AGPAT4: variants seen among roughly 807,000 people sequenced by gnomAD.
AGPAT4 encodes 1-acylglycerol-3-phosphate O-acyltransferase 4.
AGPAT4 carries 15 observed loss-of-function variants against 48.0 expected under a neutral mutation model. The observed-to-expected ratio is 0.31, with a 90% CI of 0.21 to 0.48. AGPAT4 has a LOEUF of 0.48. Among genes scored for constraint, AGPAT4 ranks in the 20% least tolerant of loss-of-function variants. The probability of loss-of-function intolerance (pLI) is 0.99; values close to 1 mark genes in which losing one functional copy is unlikely to be tolerated. For missense variants in AGPAT4, 314 were observed against 482.5 expected (o/e 0.65, Z 3.27); for synonymous variants, 178 against 198.7 (o/e 0.90, Z 0.88).
rs1040960596 is a variant in AGPAT4 at position 161,206,256 on chromosome 6, C to T, written c.178+25780G>A. Among the ~76,000 whole-genome samples, 13 of 152,156 alleles carry T rather than the reference C, an allele frequency of 8.5e-5. No individual in the cohort carries two copies. The highest frequency in any genetic ancestry group is 1.9e-4 in the African/African-American group (8 of 41,436). On this transcript the variant is annotated intron_variant, in intron 2 of 8. Transcript: ENST00000320285. The surrounding 1 kb of genome is among the most constrained non-coding windows in gnomAD (Gnocchi z 4.8). ...GGGTGGGGGGCTGTAATTTCACATC[C>T]TCTACCTGCTGGGTGACCGATGTCA...
At chr6:161,237,930 C>A (rs1782341549) in intron 1 of AGPAT4, among the ~76,000 whole-genome samples, 1 of 151,984 alleles carries the variant, frequency 6.6e-6, no homozygotes, top group African/African-American at 2.4e-5. Context: ...TGAGGAGGGA[C>A]CACAGGGTTG....
chr6:161,137,679 C>A lies in AGPAT4; in HGVS notation c.1043-1045G>T, dbSNP rs2114948143. On this transcript the variant is annotated intron_variant, in intron 8 of 8. Coordinates refer to ENST00000320285, the MANE Select transcript of AGPAT4 (RefSeq NM_020133.3). This position sits in a 1 kb window ranked among gnomAD's most constrained non-coding sequence, Gnocchi z 6.1. ...ACACAAAGTCCTTCAGGGAAGAATG[C>A]AGTCAGGCGCAGGCTCAGAGTAATG... Among the ~76,000 whole-genome samples, 1 of 152,304 alleles carries A rather than the reference C, an allele frequency of 6.6e-6. No individual in the cohort carries two copies. Among genetic ancestry groups the A allele is most frequent in the African/African-American group, 2.4e-5 (1 of 41,568 alleles).
rs193239258 is a variant in AGPAT4, at chr6:161,236,631, C to T, written c.-89-4329G>A. Among the ~76,000 whole-genome samples the T allele has an allele frequency of 1.7e-4, 26 of 152,088 alleles. No individual in the cohort carries two copies. Among genetic ancestry groups the T allele is most frequent in the African/African-American group, 6.3e-4 (26 of 41,452 alleles). ...GTAAAAGGAAAGGGGAGGCCGGGAGCAGTGGCTCACACCTGTAATCCTAGC... is the reference window on the plus strand; with the variant it reads ...GTAAAAGGAAAGGGGAGGCCGGGAGTAGTGGCTCACACCTGTAATCCTAGC... On this transcript the variant is annotated intron_variant, in intron 1 of 8. Transcript: ENST00000320285. The surrounding 1 kb of genome is among the most constrained non-coding windows in gnomAD (Gnocchi z 5.0).
In AGPAT4 at chr6:161,225,577, A is replaced by T. The variant is rs1355843191; in HGVS notation, c.178+6459T>A. 6.6e-6 allele frequency among the ~76,000 whole-genome samples: 1 copy of T among 152,230 alleles called. No homozygotes were observed. Among genetic ancestry groups the T allele is most frequent in the African/African-American group, 2.4e-5 (1 of 41,460 alleles). On this transcript the variant is annotated intron_variant, in intron 2 of 8. Coordinates refer to ENST00000320285, the MANE Select transcript of AGPAT4 (RefSeq NM_020133.3). The surrounding 1 kb of genome is among the most constrained non-coding windows in gnomAD (Gnocchi z 5.0). ...ACCCCTTAGAACTAGAAAAGAAAAG[A>T]AGGAAGGTTGCTTTTCGTCAGTTTC... is the stretch of plus-strand genomic sequence containing the variant.
At chr6:161,209,031 GA>G (rs536444222) in intron 2 of AGPAT4, among the ~76,000 whole-genome samples, 2 of 151,954 alleles carry the variant, frequency 1.3e-5, no homozygotes, top group East Asian at 1.9e-4. Flanking sequence ...GACTTTCAAG[GA>G]AAAAAAAGTG....
Position 161,249,863 on chromosome 6 carries a change from T to C in AGPAT4, c.-89-17561A>G, listed in dbSNP as rs1184098156. The stretch of plus-strand genomic sequence containing the variant: ...TATCATAAAGACACATGCACGCTTA[T>C]GTTCATTGCAGTACTACTGCAGCTA... On this transcript the variant is annotated intron_variant, in intron 1 of 8. Coordinates refer to ENST00000320285, the MANE Select transcript of AGPAT4 (RefSeq NM_020133.3). The surrounding 1 kb of genome is among the most constrained non-coding windows in gnomAD (Gnocchi z 6.2). Among the ~76,000 whole-genome samples the C allele has an allele frequency of 6.6e-6, 1 of 152,240 alleles. No individual in the cohort carries two copies. Among genetic ancestry groups the C allele is most frequent in the Non-Finnish European group, 1.5e-5 (1 of 68,040 alleles).
At chr6:161,145,628 T>A (rs149909712) in intron 7 of AGPAT4, among the ~76,000 whole-genome samples, 12 of 151,722 alleles carry the variant, frequency 7.9e-5, no homozygotes, top group Non-Finnish European at 1.6e-4. Flanking sequence ...TCCTAACACA[T>A]TCCCAAGTGT....
rs978022153 is a variant in AGPAT4, at chr6:161,139,455, T to A, written c.1009A>T (p.Thr337Ser). ...AAGACGAGGATGAAGCTGGCCAGCG[T>A]CAGGGAAGACCCGCTCCTGATCATG... Reference protein sequence around the residue: ...VSMIRSGSSLTLASFILVFFV... With the variant: ...VSMIRSGSSLSLASFILVFFV... Residue 337 changes from threonine (T) to serine (S), a missense_variant, in exon 8 of 9, where the codon ACG (threonine) becomes TCG (serine). Physicochemically the swap from Thr to Ser is moderately conservative, Grantham distance 58. Transcript: ENST00000320285. This position sits in a 1 kb window ranked among gnomAD's most constrained non-coding sequence, Gnocchi z 9.1. 5 of 1,613,830 alleles carry A rather than the reference T, an allele frequency of 3.1e-6. No individual in the cohort carries two copies. The African/African-American group carries it at 6.7e-5, about 22-fold the overall frequency.
intron 1 of AGPAT4, among the ~76,000 whole-genome samples, chr6:161,248,594 A>AAAAAAAAC (rs59741511): frequency 7.2e-6 from 1 of 138,616 alleles, no homozygotes. Flanking sequence ...AAAAAAAAAA[A>AAAAAAAAC]CTAGGAATAC....
rs1233581385 is a variant in AGPAT4 at position 161,262,739 on chromosome 6, G to A, written c.-90+11199C>T. ...CCTCATAGTGAGGGGCACCCTTTGG[G>A]TAGCTTCTTGGGACTTGAACTGGTA... On this transcript the variant is annotated intron_variant, in intron 1 of 8. Transcript: ENST00000320285. This position sits in a 1 kb window ranked among gnomAD's most constrained non-coding sequence, Gnocchi z 4.9. Among the ~76,000 whole-genome samples the A allele has an allele frequency of 6.6e-6, 1 of 152,152 alleles. No homozygotes were observed. The highest frequency in any genetic ancestry group is 2.4e-5 in the African/African-American group (1 of 41,432).
rs917406794 is a variant in AGPAT4 at position 161,244,723 on chromosome 6, C to T, written c.-89-12421G>A. 6.6e-6 allele frequency among the ~76,000 whole-genome samples: 1 copy of T among 152,198 alleles called. No individual in the cohort carries two copies. The highest frequency in any genetic ancestry group is 1.9e-4 in the East Asian group (1 of 5,192). ...AGCCGACAAGGGTGCACACATCTCT[C>T]CCTTTGGTCTGGCCTAGCCCACCTA... On this transcript the variant is annotated intron_variant, in intron 1 of 8. Transcript: ENST00000320285. The surrounding 1 kb of genome is among the most constrained non-coding windows in gnomAD (Gnocchi z 4.7).
At position 161,134,779 on chromosome 6, in the gene AGPAT4, T is replaced by G. The variant is rs1237477350; in HGVS notation, c.*1761A>C. 6.6e-6 allele frequency: 1 copy of G among 152,376 alleles called. No individual in the cohort carries two copies. Among genetic ancestry groups the G allele is most frequent in the Non-Finnish European group, 1.5e-5 (1 of 68,172 alleles). The allele number at this position is 152,376 out of a possible 1,614,324, so 9.4% of individuals were successfully genotyped here. The stretch of plus-strand genomic sequence containing the variant: ...ACCTCCACTTCTCCAAGGACCCCTC[T>G]TGCCTAAGGTCACGTCCTGGGCTTT... On this transcript the variant is annotated 3_prime_UTR_variant, in exon 9 of 9. Transcript: ENST00000320285.
At chr6:161,256,895 G>A (rs1433111486) in intron 1 of AGPAT4, among the ~76,000 whole-genome samples, 1 of 152,256 alleles carries the variant, frequency 6.6e-6, no homozygotes, top group Non-Finnish European at 1.5e-5. Context: ...CTTTTCTCCA[G>A]TTTTAGGTCT....
rs186085553 is a variant in AGPAT4 at position 161,140,556 on chromosome 6, G to T, written c.844-936C>A. 6.6e-6 allele frequency among the ~76,000 whole-genome samples: 1 copy of T among 150,834 alleles called. No individual in the cohort carries two copies. Among genetic ancestry groups the T allele is most frequent in the Non-Finnish European group, 1.5e-5 (1 of 68,010 alleles). The stretch of plus-strand genomic sequence containing the variant: ...GGGTGTCTCATGTCACGGAGCTCCC[G>T]CTCAGGGACTGGGGCTCAGCCGCAA... On this transcript the variant is annotated intron_variant, in intron 7 of 8. Transcript: ENST00000320285. The surrounding 1 kb of genome is among the most constrained non-coding windows in gnomAD (Gnocchi z 6.5).
rs1780203960 is a variant in AGPAT4, at chr6:161,169,425, T to G, written c.179-3008A>C. ...GGCTGCTCACTAGACAACTAAACTCTGAACCTCACTGGATAAAAGAGCTTG... is the reference window on the plus strand; with the variant it reads ...GGCTGCTCACTAGACAACTAAACTCGGAACCTCACTGGATAAAAGAGCTTG... On this transcript the variant is annotated intron_variant, in intron 2 of 8. Transcript: ENST00000320285. The surrounding 1 kb of genome is among the most constrained non-coding windows in gnomAD (Gnocchi z 5.0). Among the ~76,000 whole-genome samples, 1 of 152,170 alleles carries G rather than the reference T, an allele frequency of 6.6e-6. No individual in the cohort carries two copies. Among genetic ancestry groups the G allele is most frequent in the Non-Finnish European group, 1.5e-5 (1 of 68,022 alleles).
chr6:161,237,755 T>C lies in AGPAT4; in HGVS notation c.-89-5453A>G, dbSNP rs188648548. On this transcript the variant is annotated intron_variant, in intron 1 of 8. Coordinates refer to ENST00000320285, the MANE Select transcript of AGPAT4 (RefSeq NM_020133.3). Reference sequence around the variant, plus strand: ...TTTTCTTCTCTGTGTTTTATCATCCTTTTTTACGACGAGAATGAAATCCAC... The same window carrying C: ...TTTTCTTCTCTGTGTTTTATCATCCCTTTTTACGACGAGAATGAAATCCAC... Among the ~76,000 whole-genome samples the C allele has an allele frequency of 4.7e-3, 722 of 152,270 alleles. 6 individuals carry two copies. Among genetic ancestry groups the C allele is most frequent in the African/African-American group, 0.016 (684 of 41,560 alleles).
In AGPAT4 at chr6:161,235,682, G is replaced by C. The variant is rs1224115339; in HGVS notation, c.-89-3380C>G. Among the ~76,000 whole-genome samples, 1 of 152,184 alleles carries C rather than the reference G, an allele frequency of 6.6e-6. No homozygotes were observed. The highest frequency in any genetic ancestry group is 1.5e-5 in the Non-Finnish European group (1 of 68,048). On this transcript the variant is annotated intron_variant, in intron 1 of 8. Coordinates refer to ENST00000320285, the MANE Select transcript of AGPAT4 (RefSeq NM_020133.3). This position sits in a 1 kb window ranked among gnomAD's most constrained non-coding sequence, Gnocchi z 6.2. Reference sequence around the variant, plus strand: ...CTTTTACTCATGGCGGAAGGCAAAGGGGGAGCGGGCATCTTACAAGGCAGG... The same window carrying C: ...CTTTTACTCATGGCGGAAGGCAAAGCGGGAGCGGGCATCTTACAAGGCAGG...
chr6:161,271,265 CCTT>C (rs1350647075), intron 1 of AGPAT4, among the ~76,000 whole-genome samples: 14 of 152,338 alleles, frequency 9.2e-5, no homozygotes, highest in Admixed American at 9.1e-4. Flanking sequence ...GACACCCTCT[CCTT>C]CTTCCCTTGA....
In AGPAT4 at chr6:161,228,471, G is replaced by A. The variant is rs115653618; in HGVS notation, c.178+3565C>T. On this transcript the variant is annotated intron_variant, in intron 2 of 8. Transcript: ENST00000320285. ...GCAACACTGAATTTGGACGCAGGGCGCCAGGGCTGGGGGTGTGGGGTGGTG... is the reference window on the plus strand; with the variant it reads ...GCAACACTGAATTTGGACGCAGGGCACCAGGGCTGGGGGTGTGGGGTGGTG... 6.1e-3 allele frequency among the ~76,000 whole-genome samples: 923 copies of A among 152,122 alleles called. 6 individuals carry two copies. Among genetic ancestry groups the A allele is most frequent in the African/African-American group, 0.021 (876 of 41,474 alleles).
Sources: allele counts gnomAD v4.1 joint callset (sites outside exome capture counted in the v4.1 genomes callset), GRCh38; gene constraint gnomAD v4.1.1; non-coding constraint Gnocchi (gnomAD v3.1); transcripts MANE v1.5; gene names NCBI Gene and HGNC (gene_info 2026-07-23, HGNC 2026-07-21).